Variants in FOXN3 observed in about 807,000 individuals in gnomAD.
FOXN3 encodes forkhead box protein N3.
Under a neutral mutation model 38.4 loss-of-function variants are expected in FOXN3, and 7 were observed. The observed-to-expected ratio is 0.18, with a 90% CI of 0.10 to 0.34. The LOEUF is 0.34. Among genes scored for constraint, FOXN3 ranks in the 10% least tolerant of loss-of-function variants. The pLI, the probability that FOXN3 is intolerant of heterozygous loss-of-function variation, is 1.00. For missense variants in FOXN3, 456 were observed against 613.4 expected, an observed-to-expected ratio of 0.74 and a Z score of 2.71; for synonymous variants, 230 against 242.2, an observed-to-expected ratio of 0.95 and a Z score of 0.47.
At chr14:89,552,052 A>C (rs992432341) in intron 1 of FOXN3, among the ~76,000 whole-genome samples, 32 of 152,206 alleles carry the variant, frequency 2.1e-4, no homozygotes, top group South Asian at 8.3e-4. Flanking sequence ...TTAATTACTG[A>C]ATTGGAGCCA....
intron 3 of FOXN3, among the ~76,000 whole-genome samples, chr14:89,311,552 T>A (rs377095222): frequency 1.4e-5 from 2 of 144,932 alleles, no homozygotes; most frequent in African/African-American, 2.6e-5. Flanking sequence ...TGTGGCCGGG[T>A]GCAGTGGCTC....
At chr14:89,550,430 C>A (rs1438858415) in intron 1 of FOXN3, among the ~76,000 whole-genome samples, 1 of 152,212 alleles carries the variant, frequency 6.6e-6, no homozygotes, top group Non-Finnish European at 1.5e-5. Flanking sequence ...ATTTCCTGGA[C>A]AATCTACTGA....
At chr14:89,181,119 C>A (rs1407978309) in intron 4 of FOXN3, among the ~76,000 whole-genome samples, 1 of 151,964 alleles carries the variant, frequency 6.6e-6, no homozygotes, top group Non-Finnish European at 1.5e-5. Context: ...AAAAGATACC[C>A]AGAGAGTAAG....
Position 89,244,855 on chromosome 14 carries a change from C to T in FOXN3, c.745+36095G>A, listed in dbSNP as rs767505197. 2.0e-5 allele frequency among the ~76,000 whole-genome samples: 3 copies of T among 152,192 alleles called. 1 individual carries two copies. Among genetic ancestry groups the T allele is most frequent in the Non-Finnish European group, 4.4e-5 (3 of 68,040 alleles). On this transcript the variant is annotated intron_variant, in intron 4 of 5. Transcript: ENST00000557258. ...TAGAAATCATCAAATTTTCTTTTTG[C>T]ACTGGGCACCTGTGCGTTCATTTCC... is the stretch of plus-strand genomic sequence containing the variant.
At chr14:89,352,349 C>T (rs1294076072) in intron 2 of FOXN3, among the ~76,000 whole-genome samples, 1 of 152,182 alleles carries the variant, frequency 6.6e-6, no homozygotes, top group Non-Finnish European at 1.5e-5. Flanking sequence ...TCAGGCGGGC[C>T]ACTCAATAAT....
At chr14:89,463,288 C>T (rs1302572292) in intron 1 of FOXN3, among the ~76,000 whole-genome samples, 1 of 150,278 alleles carries the variant, frequency 6.7e-6, no homozygotes, top group East Asian at 2.0e-4. Context: ...AAAAAAGCCA[C>T]CAGATCCACT....
At chr14:89,280,016 C>A (rs779066665) in intron 4 of FOXN3, among the ~76,000 whole-genome samples, 1 of 152,174 alleles carries the variant, frequency 6.6e-6, no homozygotes, top group African/African-American at 2.4e-5. Context: ...TCAATAGACA[C>A]TAAAATCCCT....
intron 3 of FOXN3, among the ~76,000 whole-genome samples, chr14:89,319,593 T>C (rs1887841565): frequency 6.6e-6 from 1 of 152,008 alleles, no homozygotes; most frequent in African/African-American, 2.4e-5. Context: ...GAGCCCCACT[T>C]CTAGGTCTGG....
intron 1 of FOXN3, among the ~76,000 whole-genome samples, chr14:89,431,065 C>T (rs547416038): frequency 1.1e-4 from 16 of 152,244 alleles, no homozygotes; most frequent in African/African-American, 3.6e-4. Flanking sequence ...CAGTCATTTC[C>T]GTTGTCTGAA....
chr14:89,596,433 G>A (rs143009763), intron 1 of FOXN3, among the ~76,000 whole-genome samples: 324 of 152,224 alleles, frequency 2.1e-3, no homozygotes, highest in African/African-American at 6.9e-3. Flanking sequence ...CACTGTGCCC[G>A]GCCTTGTTTA....
intron 1 of FOXN3, among the ~76,000 whole-genome samples, chr14:89,541,456 G>C (rs1446929591): frequency 6.6e-6 from 1 of 152,100 alleles, no homozygotes; most frequent in Non-Finnish European, 1.5e-5. Context: ...CCTCCTCACT[G>C]CTACACTCCC....
chr14:89,328,123 C>A (rs764765535), intron 3 of FOXN3, among the ~76,000 whole-genome samples: 7 of 152,196 alleles, frequency 4.6e-5, no homozygotes, highest in Non-Finnish European at 4.4e-5. Flanking sequence ...TACAGATGAC[C>A]GAAAGCAAGT....
chr14:89,201,741 G>A (rs912061779), intron 4 of FOXN3, among the ~76,000 whole-genome samples: 1 of 152,166 alleles, frequency 6.6e-6, no homozygotes, highest in African/African-American at 2.4e-5. Context: ...CTTCCCCAGT[G>A]ATTGGCTTTC....
chr14:89,412,379 T>A lies in FOXN3; in HGVS notation c.98A>T (p.Lys33Met), dbSNP rs774391467. The A allele has an allele frequency of 6.2e-7, 1 of 1,614,178 alleles. No individual in the cohort carries two copies. The highest frequency in any genetic ancestry group is 1.7e-5 in the Admixed American group (1 of 60,010). ...SQCYGGSGFS[K>M]ALQEDDDLDF... ...GAGGTCATCGTCTTCCTGAAGGGCC[T>A]TGGAGAAACCGCTGCCCCCGTAACA... Residue 33 changes from lysine to methionine, a missense_variant, in exon 2 of 6, where the codon AAG (lysine) becomes ATG (methionine). This residue lies in a region of FOXN3 where 59 missense variants were observed against 69.0 expected (regional missense o/e 0.85). Transcript: ENST00000557258. The surrounding 1 kb of genome is among the most constrained non-coding windows in gnomAD (Gnocchi z 4.7).
At chr14:89,383,003 G>A (rs978366796) in intron 2 of FOXN3, among the ~76,000 whole-genome samples, 2 of 116,740 alleles carry the variant, frequency 1.7e-5, no homozygotes, top group African/African-American at 6.3e-5. Context: ...AAGCAGTTTT[G>A]TGTTTGGAGC....
At chr14:89,358,472 C>G (rs2241122) in intron 2 of FOXN3, among the ~76,000 whole-genome samples, 25,572 of 152,124 alleles carry the variant, frequency 0.17, 2,206 homozygotes, top group East Asian at 0.21. Context: ...AGTAAGTTAC[C>G]CCATCCGTAA....
At chr14:89,320,324 C>T (rs973129930) in intron 3 of FOXN3, among the ~76,000 whole-genome samples, 4 of 152,200 alleles carry the variant, frequency 2.6e-5, no homozygotes, top group Middle Eastern at 3.2e-3. Context: ...AGAAAACAGA[C>T]CCATTGATTT....
intron 1 of FOXN3, among the ~76,000 whole-genome samples, chr14:89,552,286 T>C (rs1476230155): frequency 6.6e-6 from 1 of 152,126 alleles, no homozygotes; most frequent in Non-Finnish European, 1.5e-5. Context: ...TCTGTGAAAA[T>C]ATCAGCCAAA....
chr14:89,556,065 A>C (rs964565823), intron 1 of FOXN3, among the ~76,000 whole-genome samples: 5 of 152,174 alleles, frequency 3.3e-5, no homozygotes, highest in Non-Finnish European at 1.5e-5. Flanking sequence ...AGGGATGCTA[A>C]AACTTTATTT....
Sources: gnomAD v4.1 joint callset for allele counts (sites outside exome capture counted in the v4.1 genomes callset) on GRCh38, gnomAD v4.1.1 for gene constraint, gnomAD v4.1.1 regional missense constraint, Gnocchi (gnomAD v3.1) non-coding constraint, MANE v1.5 for transcripts, NCBI Gene and HGNC (gene_info 2026-07-23, HGNC 2026-07-21) for gene names.